Variants in JAK2 observed in about 807,000 individuals in gnomAD.
JAK2 encodes tyrosine-protein kinase JAK2.
A neutral mutation model predicts 139.3 loss-of-function variants in JAK2; 86 were observed. The observed-to-expected ratio is 0.62, with a 90% CI of 0.52 to 0.74. The LOEUF (loss-of-function observed/expected upper bound fraction) is 0.74. JAK2 is among the 30% of genes least tolerant of loss of function. JAK2 has a pLI of 0.00. For missense variants in JAK2, 1,421 were observed against 1,360.3 expected, an observed-to-expected ratio of 1.04 and a Z score of -0.70; for synonymous variants, 490 against 437.7, an observed-to-expected ratio of 1.12 and a Z score of -1.49.
chr9:5,075,130 A>G (rs1482642663), intron 14 of JAK2, among the ~76,000 whole-genome samples: 1 of 152,168 alleles, frequency 6.6e-6, no homozygotes, highest in Non-Finnish European at 1.5e-5. Flanking sequence ...TGCAGAAGAA[A>G]AGTTGGAAGC....
intron 22 of JAK2, among the ~76,000 whole-genome samples, chr9:5,105,796 A>G (rs1290953581): frequency 6.6e-6 from 1 of 152,220 alleles, no homozygotes; most frequent in Non-Finnish European, 1.5e-5. Flanking sequence ...AAACCTGACA[A>G]AAACAAGAAA....
At chr9:5,097,544 C>G (rs3780372) in intron 22 of JAK2, 1 of 151,882 alleles carries the variant, frequency 6.6e-6, no homozygotes, top group Non-Finnish European at 1.5e-5. Context: ...ACAGTAGGAA[C>G]AGACATAGAC....
chr9:5,063,664 T>A (rs7036476), intron 8 of JAK2, among the ~76,000 whole-genome samples: 2 of 152,050 alleles, frequency 1.3e-5, no homozygotes, highest in Non-Finnish European at 2.9e-5. Context: ...TGGTTAATCT[T>A]CTATATATTT....
At chr9:5,085,769 G>A (rs1269503296) in intron 19 of JAK2, 9 of 754,624 alleles carry the variant, frequency 1.2e-5, no homozygotes, top group Non-Finnish European at 2.2e-5. Flanking sequence ...CATGTCGGGA[G>A]TTATTATGAT....
chr9:4,989,212 C>G (rs879743596), intron 2 of JAK2, among the ~76,000 whole-genome samples: 3 of 152,198 alleles, frequency 2.0e-5, no homozygotes, highest in African/African-American at 4.8e-5. Flanking sequence ...AGTCCTTAAG[C>G]TTGTAAGCTG....
chr9:4,992,864 C>T (rs1820337740), intron 2 of JAK2, among the ~76,000 whole-genome samples: 1 of 152,272 alleles, frequency 6.6e-6, no homozygotes. Flanking sequence ...TTGCCAGTTC[C>T]TTGATTAGGT....
chr9:5,086,129 GC>G, intron 19 of JAK2: 2 of 383,106 alleles, frequency 5.2e-6, no homozygotes, highest in South Asian at 3.1e-5. Flanking sequence ...GCGGCGCGCG[GC>G]CCCGGCGGCC....
chr9:5,013,950 A>C (rs1390270426), intron 2 of JAK2, among the ~76,000 whole-genome samples: 1 of 152,128 alleles, frequency 6.6e-6, no homozygotes, highest in African/African-American at 2.4e-5. Context: ...ACTTATTTTT[A>C]GGTCTCTTGG....
rs966081063 is a variant in JAK2 at position 5,126,835 on chromosome 9, A to G, written c.*44A>G. The G allele has an allele frequency of 8.4e-7, 1 of 1,189,358 alleles. No individual in the cohort carries two copies. Among genetic ancestry groups the G allele is most frequent in the Admixed American group, 1.9e-5 (1 of 53,440 alleles). The allele number at this position is 1,189,358 out of a possible 1,614,324, so 73.7% of individuals were successfully genotyped here. A position where few individuals can be genotyped will look rare whatever the true frequency, so the allele number is the denominator to read the frequency against. On this transcript the variant is annotated 3_prime_UTR_variant, in exon 25 of 25. Transcript: ENST00000381652. ...TGAGACCAAAGTAGATTTACAGAAC[A>G]AAGTTTTATATTTCACATTGCTGTG... is the stretch of plus-strand genomic sequence containing the variant.
At chr9:5,106,391 G>C (rs1054046322) in intron 22 of JAK2, among the ~76,000 whole-genome samples, 2 of 152,186 alleles carry the variant, frequency 1.3e-5, no homozygotes, top group African/African-American at 4.8e-5. Flanking sequence ...AAAAAGACAG[G>C]AAACAACAGA....
chr9:5,109,363 A>T (rs1171158256), intron 22 of JAK2: 1 of 152,178 alleles, frequency 6.6e-6, no homozygotes, highest in Non-Finnish European at 1.5e-5. Flanking sequence ...CTTATCTACC[A>T]AGAAAGTATG....
intron 2 of JAK2, among the ~76,000 whole-genome samples, chr9:5,000,152 C>T (rs1820847149): frequency 1.3e-5 from 2 of 150,992 alleles, no homozygotes; most frequent in South Asian, 4.2e-4. Flanking sequence ...TATATTTTTT[C>T]TGTTTTTTTT....
intron 22 of JAK2, among the ~76,000 whole-genome samples, chr9:5,105,311 T>C (rs1269651323): frequency 2.0e-5 from 3 of 152,144 alleles, no homozygotes; most frequent in African/African-American, 7.2e-5. Context: ...TCACAATTGC[T>C]ACAAAGAGAA....
At chr9:5,106,652 A>G (rs1564010257) in intron 22 of JAK2, among the ~76,000 whole-genome samples, 1 of 152,234 alleles carries the variant, frequency 6.6e-6, no homozygotes, top group African/African-American at 2.4e-5. Context: ...AACCAACCCA[A>G]ATGCCCATCA....
chr9:5,059,971 T>C (rs1424676968), intron 8 of JAK2, among the ~76,000 whole-genome samples: 2 of 152,200 alleles, frequency 1.3e-5, no homozygotes, highest in East Asian at 1.9e-4. Context: ...TATATAGACA[T>C]ACGTCAGAGA....
intron 22 of JAK2, among the ~76,000 whole-genome samples, chr9:5,114,993 C>G (rs1823017153): frequency 6.6e-6 from 1 of 152,158 alleles, no homozygotes; most frequent in South Asian, 2.1e-4. Context: ...CAATACCATT[C>G]AGGACATAGG....
At chr9:5,064,837 G>A (rs2130490733) in intron 8 of JAK2, 46 bp from the exon 9 acceptor site, 5 of 1,402,206 alleles carry the variant, frequency 3.6e-6, no homozygotes, top group Admixed American at 2.5e-5. Context: ...TTAACATGGA[G>A]TTGACTTTCT....
Position 5,126,421 on chromosome 9 carries a change from C to T in JAK2, c.3266C>T (p.Pro1089Leu). 6.2e-7 allele frequency: 1 copy of T among 1,608,724 alleles called. No individual in the cohort carries two copies. The highest frequency in any genetic ancestry group is 8.5e-7 in the Non-Finnish European group (1 of 1,176,228). Residue 1089 changes from proline to leucine, a missense_variant, in exon 24 of 25, where the codon CCA becomes CTA. Physicochemically the swap from Pro to Leu is moderately conservative, Grantham distance 98. Coordinates refer to ENST00000381652, the MANE Select transcript of JAK2 (RefSeq NM_004972.4). The stretch of plus-strand genomic sequence containing the variant: ...CTTTTGAAGAATAATGGAAGATTAC[C>T]AAGACCAGATGGATGCCCAGATGAG... Reference protein sequence around the residue: ...IELLKNNGRLPRPDGCPDEIY... With the variant: ...IELLKNNGRLLRPDGCPDEIY...
chr9:5,067,777 C>G (rs1349865277), intron 10 of JAK2, among the ~76,000 whole-genome samples: 1 of 152,034 alleles, frequency 6.6e-6, no homozygotes, highest in Non-Finnish European at 1.5e-5. Flanking sequence ...CAAAAATTTT[C>G]AAATATACAA....
Sources: allele counts gnomAD v4.1 joint callset (sites outside exome capture counted in the v4.1 genomes callset), GRCh38; gene constraint gnomAD v4.1.1; transcripts MANE v1.5; gene names NCBI Gene and HGNC (gene_info 2026-07-23, HGNC 2026-07-21).